NHEJ1: variants seen among roughly 807,000 people sequenced by gnomAD.
NHEJ1 encodes non-homologous end joining factor 1.
Under a neutral mutation model 39.4 loss-of-function variants are expected in NHEJ1, and 22 were observed. The ratio of observed to expected loss-of-function variants is 0.56; its 90% CI spans 0.40 to 0.80. NHEJ1 has a LOEUF of 0.80. Among genes scored for constraint, NHEJ1 ranks in the 30% least tolerant of loss-of-function variants. NHEJ1 has a pLI of 0.00. For synonymous variants in NHEJ1, 154 were observed against 135.6 expected, an observed-to-expected ratio of 1.14 and a Z score of -0.94; for missense variants, 329 against 357.1, an observed-to-expected ratio of 0.92 and a Z score of 0.63.
At chr2:219,104,225 A>G (rs1320480584) in intron 5 of NHEJ1, among the ~76,000 whole-genome samples, 1 of 152,200 alleles carries the variant, frequency 6.6e-6, no homozygotes, top group Non-Finnish European at 1.5e-5. Context: ...AGGGCCAAAC[A>G]TGGTGGCCCC....
Position 219,073,688 on chromosome 2 carries a change from T to A in NHEJ1, c.*2693A>T, listed in dbSNP as rs1048379016. Among the ~76,000 whole-genome samples the A allele has an allele frequency of 6.6e-6, 1 of 152,232 alleles. No individual in the cohort carries two copies. Among genetic ancestry groups the A allele is most frequent in the Admixed American group, 6.5e-5 (1 of 15,284 alleles). The stretch of plus-strand genomic sequence containing the variant: ...CTCGTGTAAACCACCTTATATTATT[T>A]TTTTTTCTAAAAATACTCCAAAGCA... On this transcript the variant is annotated 3_prime_UTR_variant, in exon 8 of 8. Transcript: ENST00000356853.
intron 5 of NHEJ1, among the ~76,000 whole-genome samples, chr2:219,135,043 T>TTAAAAAAAA (rs530275840): frequency 9.1e-6 from 1 of 110,400 alleles, no homozygotes; most frequent in East Asian, 2.3e-4. Flanking sequence ...CCGTCTCAAT[T>TTAAAAAAAA]AAAAAAAAAA....
chr2:219,079,288 A>G (rs1949041939), intron 5 of NHEJ1, among the ~76,000 whole-genome samples: 1 of 152,206 alleles, frequency 6.6e-6, no homozygotes, highest in Non-Finnish European at 1.5e-5. Context: ...CAGCCAAGTT[A>G]GCAGGTCCCC....
chr2:219,098,525 A>AT, intron 5 of NHEJ1, among the ~76,000 whole-genome samples: 1 of 152,318 alleles, frequency 6.6e-6, no homozygotes, highest in African/African-American at 2.4e-5. Flanking sequence ...GAGGGTACAT[A>AT]TGTTAGTAGG....
intron 5 of NHEJ1, among the ~76,000 whole-genome samples, chr2:219,107,087 A>C (rs1949320662): frequency 6.6e-6 from 1 of 152,230 alleles, no homozygotes. Context: ...ACAAGCTTCT[A>C]ATCTACTTGA....
Position 219,069,907 on chromosome 2 carries a change from T to C in NHEJ1, c.*6474A>G, listed in dbSNP as rs1422666687. Reference sequence around the variant, plus strand: ...AATCCAATGGGAAAACATTCCAGATTGCTATAAAGCAATTCAAGGGAATGG... The same window carrying C: ...AATCCAATGGGAAAACATTCCAGATCGCTATAAAGCAATTCAAGGGAATGG... On this transcript the variant is annotated 3_prime_UTR_variant, in exon 8 of 8. Transcript: ENST00000356853. The C allele has an allele frequency of 6.6e-6, 1 of 152,350 alleles. No individual in the cohort carries two copies. The highest frequency in any genetic ancestry group is 2.1e-4 in the South Asian group (1 of 4,824). The allele number at this position is 152,350 out of a possible 1,614,324, so 9.4% of individuals were successfully genotyped here. A position where few individuals can be genotyped will look rare whatever the true frequency, so the allele number is the denominator to read the frequency against.
chr2:219,112,963 G>A (rs1949379314), intron 5 of NHEJ1, among the ~76,000 whole-genome samples: 1 of 152,004 alleles, frequency 6.6e-6, no homozygotes, highest in Non-Finnish European at 1.5e-5. Flanking sequence ...AGATTTTGCT[G>A]AAATTAGTTG....
At position 219,147,810 on chromosome 2, in the gene NHEJ1, A is replaced by G; in HGVS notation, c.391-15T>C. 1.9e-6 allele frequency: 3 copies of G among 1,614,016 alleles called. No individual in the cohort carries two copies. The highest frequency in any genetic ancestry group is 2.5e-6 in the Non-Finnish European group (3 of 1,179,900). On this transcript the variant is annotated splice_polypyrimidine_tract_variant and intron_variant, in intron 3 of 7. Coordinates refer to ENST00000356853, the MANE Select transcript of NHEJ1 (RefSeq NM_024782.3). ...TGTTGGGAGACCTTTGAGGGAAGAG[A>G]TATCAATTAGCCAAAAGACTCTTAT...
chr2:219,157,713 G>C lies in NHEJ1; in HGVS notation c.178-29C>G, dbSNP rs2030452. 0.6 allele frequency: 954,429 copies of C among 1,587,842 alleles called. 296,239 individuals are homozygous for C. Among genetic ancestry groups the C allele is most frequent in the Non-Finnish European group, 0.64 (746,344 of 1,161,684 alleles). Reference sequence around the variant, plus strand: ...AAGAGAGAGCAGTGGTACAGAGTAAGGGTGCTAAAAGGAAACTAATTCCCT... The same window carrying C: ...AAGAGAGAGCAGTGGTACAGAGTAACGGTGCTAAAAGGAAACTAATTCCCT... On this transcript the variant is annotated intron_variant, in intron 2 of 7. Coordinates refer to ENST00000356853, the MANE Select transcript of NHEJ1 (RefSeq NM_024782.3).
At chr2:219,147,868 A>G in intron 3 of NHEJ1, 73 bp from the exon 4 acceptor site, 1 of 1,462,400 alleles carries the variant, frequency 6.8e-7, no homozygotes, top group East Asian at 2.3e-5. Context: ...TAGGTACCAG[A>G]AAAAATACCG....
intron 5 of NHEJ1, among the ~76,000 whole-genome samples, chr2:219,114,927 T>A (rs1949396708): frequency 6.6e-6 from 1 of 152,150 alleles, no homozygotes; most frequent in South Asian, 2.1e-4. Context: ...AGAGTCTTAT[T>A]CAAGCCAAGG....
intron 5 of NHEJ1, among the ~76,000 whole-genome samples, chr2:219,105,042 T>C (rs1204747065): frequency 6.6e-6 from 1 of 152,182 alleles, no homozygotes; most frequent in African/African-American, 2.4e-5. Context: ...TAAACCTGAT[T>C]ATAGTTGAGT....
At chr2:219,147,463 C>T (rs868627941) in intron 4 of NHEJ1, among the ~76,000 whole-genome samples, 194 bp downstream of exon 4, 3 of 152,246 alleles carry the variant, frequency 2.0e-5, no homozygotes, top group East Asian at 3.8e-4. Context: ...GCCTAGCTGA[C>T]AGAGCGAGAC....
intron 5 of NHEJ1, among the ~76,000 whole-genome samples, chr2:219,100,417 A>C (rs2106332740): frequency 6.7e-6 from 1 of 150,322 alleles, no homozygotes; most frequent in East Asian, 1.9e-4. Context: ...AGCTTAGCCA[A>C]CATGGCAAAA....
At chr2:219,083,821 A>G (rs945587722) in intron 5 of NHEJ1, among the ~76,000 whole-genome samples, 4 of 152,160 alleles carry the variant, frequency 2.6e-5, no homozygotes, top group African/African-American at 7.2e-5. Context: ...TGCCCTAATG[A>G]TAAAGTACAT....
intron 5 of NHEJ1, among the ~76,000 whole-genome samples, chr2:219,141,451 G>A (rs1251914765): frequency 6.6e-6 from 1 of 151,818 alleles, no homozygotes; most frequent in Non-Finnish European, 1.5e-5. Context: ...ACGGGAGGTA[G>A]AATAGAGAAG....
At position 219,078,140 on chromosome 2, in the gene NHEJ1, T is replaced by C. The variant is rs771103739; in HGVS notation, c.655A>G (p.Met219Val). ...PFVMNLQDLY[M>V]AVTTQEVQVG... ...TGGACCTCTTGTGTGGTGACTGCCATATACAGATCCTGCAGATTCATGACA... is the reference window on the plus strand; with the variant it reads ...TGGACCTCTTGTGTGGTGACTGCCACATACAGATCCTGCAGATTCATGACA... The change falls in exon 6 of 8, where the codon ATG becomes GTG. Residue 219 changes from methionine (M) to valine (V), a missense_variant. Transcript: ENST00000356853. 9.3e-6 allele frequency: 15 copies of C among 1,614,054 alleles called. No homozygotes were observed. Among genetic ancestry groups the C allele is most frequent in the Non-Finnish European group, 1.3e-5 (15 of 1,180,016 alleles).
rs570504745 is a variant in NHEJ1 at position 219,159,538 on chromosome 2, C to CAT, written c.1-1178_1-1177dup. Among the ~76,000 whole-genome samples the CAT allele has an allele frequency of 1.1e-3, 56 of 50,264 alleles. 2 individuals carry two copies. Among genetic ancestry groups the CAT allele is most frequent in the East Asian group, 6.8e-3 (13 of 1,902 alleles). 33.0% of individuals were successfully genotyped at this position (50,264 alleles called of 152,430 possible). ...TTATATATATATGCATATATATATG[C>CAT]ATATATATATATGCATATATATATG... On this transcript the variant is annotated intron_variant, in intron 1 of 7. Transcript: ENST00000356853.
chr2:219,101,380 G>A (rs1394567216), intron 5 of NHEJ1, among the ~76,000 whole-genome samples: 3 of 152,144 alleles, frequency 2.0e-5, no homozygotes, highest in Non-Finnish European at 4.4e-5. Context: ...CTCCCAAAGT[G>A]CTGGAATTAC....
Sources: gnomAD v4.1 joint callset for allele counts (sites outside exome capture counted in the v4.1 genomes callset) on GRCh38, gnomAD v4.1.1 for gene constraint, MANE v1.5 for transcripts, NCBI Gene and HGNC (gene_info 2026-07-23, HGNC 2026-07-21) for gene names.